The following RBM20 variants were observed in gnomAD, a reference collection of about 807,000 sequenced individuals.
RBM20 encodes RNA-binding protein 20.
Under a neutral mutation model 110.1 loss-of-function variants are expected in RBM20, and 51 were observed. That is an observed-to-expected ratio of 0.46 (90% CI 0.37 to 0.59). The LOEUF (loss-of-function observed/expected upper bound fraction) is 0.59, where lower values mean the gene tolerates loss of function less well. RBM20 is among the 20% of genes least tolerant of loss of function. The probability of loss-of-function intolerance (pLI) is 0.00; values close to 1 mark genes in which losing one functional copy is unlikely to be tolerated. For synonymous variants in RBM20, 589 were observed against 618.2 expected, an observed-to-expected ratio of 0.95 and a Z score of 0.70; for missense variants, 1,512 against 1,574.9, an observed-to-expected ratio of 0.96 and a Z score of 0.68.
At chr10:110,774,926 A>G (rs1415698923) in intron 1 of RBM20, among the ~76,000 whole-genome samples, 1 of 152,220 alleles carries the variant, frequency 6.6e-6, no homozygotes, top group East Asian at 1.9e-4. Flanking sequence ...TGATCTAGGA[A>G]AGATAAATAT....
At chr10:110,731,661 A>G (rs200306890) in intron 1 of RBM20, among the ~76,000 whole-genome samples, 5 of 121,252 alleles carry the variant, frequency 4.1e-5, no homozygotes, top group African/African-American at 1.5e-4. Flanking sequence ...CCCTCTTGTT[A>G]TCTAGGCTAA....
intron 1 of RBM20, among the ~76,000 whole-genome samples, chr10:110,686,649 T>C (rs187855662): frequency 3.3e-5 from 5 of 152,156 alleles, no homozygotes; most frequent in South Asian, 2.1e-4. Flanking sequence ...AAAATATAAA[T>C]GGAAATTACA....
chr10:110,762,112 T>C (rs1844012801), intron 1 of RBM20, among the ~76,000 whole-genome samples: 1 of 152,206 alleles, frequency 6.6e-6, no homozygotes, highest in African/African-American at 2.4e-5. Flanking sequence ...CCAACAAACA[T>C]TGTTTCAAAT....
intron 7 of RBM20, among the ~76,000 whole-genome samples, chr10:110,805,877 A>G (rs1188062129): frequency 6.6e-6 from 1 of 152,234 alleles, no homozygotes; most frequent in Non-Finnish European, 1.5e-5. Flanking sequence ...GAATGGATGT[A>G]AAGATAACAA....
chr10:110,755,807 G>C (rs1412386718), intron 1 of RBM20, among the ~76,000 whole-genome samples: 2 of 152,270 alleles, frequency 1.3e-5, no homozygotes, highest in Admixed American at 1.3e-4. Flanking sequence ...AACTTTAATT[G>C]GTTGGCCAAT....
At chr10:110,786,311 A>G (rs958583978) in intron 5 of RBM20, among the ~76,000 whole-genome samples, 1 of 152,254 alleles carries the variant, frequency 6.6e-6, no homozygotes, top group African/African-American at 2.4e-5. Flanking sequence ...GCGAGTGAAC[A>G]CAAGCTCACA....
chr10:110,738,869 C>A (rs1355145956), intron 1 of RBM20, among the ~76,000 whole-genome samples: 1 of 152,132 alleles, frequency 6.6e-6, no homozygotes, highest in East Asian at 1.9e-4. Context: ...GTGATGGGAG[C>A]CCAGACCTAT....
chr10:110,661,732 AGGCACGGT>A (rs1862104977), intron 1 of RBM20, among the ~76,000 whole-genome samples: 1 of 152,158 alleles, frequency 6.6e-6, no homozygotes, highest in Admixed American at 6.5e-5. Flanking sequence ...AGTAGGGGCC[AGGCACGGT>A]GGCTCACACC....
In RBM20 at chr10:110,701,290, G is replaced by T. The variant is rs1201029715; in HGVS notation, c.191+56645G>T. ...AGTTTCTTCCAGCCTGGAGTTCACA[G>T]TGGGGCTTACTTCTCACCTGGTCAG... On this transcript the variant is annotated intron_variant, in intron 1 of 13. Coordinates refer to ENST00000369519, the MANE Select transcript of RBM20 (RefSeq NM_001134363.3). Among the ~76,000 whole-genome samples, 4 of 152,112 alleles carry T rather than the reference G, an allele frequency of 2.6e-5. No homozygotes were observed. In the East Asian group the frequency reaches 7.7e-4, roughly 29 times the overall value.
chr10:110,818,287 A>G (rs926124748), intron 9 of RBM20, among the ~76,000 whole-genome samples: 5 of 117,466 alleles, frequency 4.3e-5, no homozygotes, highest in African/African-American at 1.5e-4. Flanking sequence ...GCAAAACTCC[A>G]TCTCAAAAAA....
At chr10:110,818,973 A>G (rs958718165) in intron 9 of RBM20, among the ~76,000 whole-genome samples, 1 of 152,258 alleles carries the variant, frequency 6.6e-6, no homozygotes, top group Non-Finnish European at 1.5e-5. Flanking sequence ...GATTTGAACC[A>G]TGTATCCCTG....
chr10:110,778,728 G>A (rs1169854400), intron 1 of RBM20, among the ~76,000 whole-genome samples: 1 of 152,232 alleles, frequency 6.6e-6, no homozygotes, highest in Non-Finnish European at 1.5e-5. Context: ...CTTTTCAGAG[G>A]GGAATTTAAA....
intron 13 of RBM20, among the ~76,000 whole-genome samples, chr10:110,831,666 T>TAAAAAAA (rs869203382): frequency 8.4e-4 from 49 of 58,328 alleles, no homozygotes; most frequent in African/African-American, 2.1e-3. Context: ...CTTGCTAGAA[T>TAAAAAAA]AAAAAAAAAA....
At chr10:110,693,340 A>C (rs1349273158) in intron 1 of RBM20, among the ~76,000 whole-genome samples, 1 of 152,124 alleles carries the variant, frequency 6.6e-6, no homozygotes, top group Admixed American at 6.6e-5. Context: ...GATTGGTGTT[A>C]ATTCTTCTTT....
rs886038875 is a variant in RBM20, at chr10:110,821,790, G to T, written c.3171G>T (p.Arg1057=). 6 of 1,551,760 alleles carry T rather than the reference G, an allele frequency of 3.9e-6. No individual in the cohort carries two copies. The highest frequency in any genetic ancestry group is 4.4e-6 in the Non-Finnish European group (5 of 1,147,002). The change falls in exon 11 of 14, where the codon CGG becomes CGT. Residue 1057 remains arginine, a synonymous_variant. Transcript: ENST00000369519. ...SSPKPAEERA[R]QPSPFVDDCK... The stretch of plus-strand genomic sequence containing the variant: ...CTAAGCCAGCAGAGGAGAGGGCCCG[G>T]CAGCCAAGCCCATTTGTGGATGATT...
chr10:110,743,426 A>G (rs896741024), intron 1 of RBM20, among the ~76,000 whole-genome samples: 1 of 152,152 alleles, frequency 6.6e-6, no homozygotes, highest in African/African-American at 2.4e-5. Context: ...TTTATGTTGC[A>G]TGTGATAAAT....
At chr10:110,689,861 G>A (rs1414324112) in intron 1 of RBM20, among the ~76,000 whole-genome samples, 1 of 152,186 alleles carries the variant, frequency 6.6e-6, no homozygotes, top group East Asian at 1.9e-4. Flanking sequence ...AGAAGCCAGG[G>A]AAGATTCTGG....
At position 110,737,177 on chromosome 10, in the gene RBM20, CAAA is replaced by C. The variant is rs550138775; in HGVS notation, c.192-43606_192-43604del. Among the ~76,000 whole-genome samples the C allele has an allele frequency of 6.8e-4, 18 of 26,620 alleles. 2 individuals are homozygous for C. The highest frequency in any genetic ancestry group is 7.6e-4 in the Non-Finnish European group (11 of 14,384). The allele number at this position is 26,620 out of a possible 152,430, so 17.5% of individuals were successfully genotyped here. Reference sequence around the variant, plus strand: ...GGGCAAGAAGAGTGAAACTCTGCCTCAAAAAAAAAAAAAAAAAAAACACCCCAC... The same window carrying C: ...GGGCAAGAAGAGTGAAACTCTGCCTCAAAAAAAAAAAAAAAAACACCCCAC... On this transcript the variant is annotated intron_variant, in intron 1 of 13. Coordinates refer to ENST00000369519, the MANE Select transcript of RBM20 (RefSeq NM_001134363.3).
intron 1 of RBM20, among the ~76,000 whole-genome samples, chr10:110,659,421 A>G (rs1471321024): frequency 1.3e-5 from 2 of 152,200 alleles, no homozygotes; most frequent in African/African-American, 4.8e-5. Flanking sequence ...CAATGAGATG[A>G]CAGGTGAACA....
Sources: gnomAD v4.1 joint callset for allele counts (sites outside exome capture counted in the v4.1 genomes callset) on GRCh38, gnomAD v4.1.1 for gene constraint, MANE v1.5 for transcripts, NCBI Gene and HGNC (gene_info 2026-07-23, HGNC 2026-07-21) for gene names.